The following BAZ2B variants were observed in gnomAD, a reference collection of about 807,000 sequenced individuals.
BAZ2B encodes bromodomain adjacent to zinc finger domain protein 2B.
BAZ2B carries 91 observed loss-of-function variants against 246.0 expected under a neutral mutation model. That is an observed-to-expected ratio of 0.37 (90% CI 0.31 to 0.44). The LOEUF (loss-of-function observed/expected upper bound fraction) is 0.44, where lower values mean the gene tolerates loss of function less well. BAZ2B is among the 20% of genes least tolerant of loss of function. BAZ2B has a pLI of 1.00. For missense variants in BAZ2B, 2,332 were observed against 2,533.7 expected (o/e 0.92, Z 1.71); for synonymous variants, 855 against 860.0 (o/e 0.99, Z 0.10).
At chr2:159,674,381 GAAGAA>G in the BAZ2B span, among the ~76,000 whole-genome samples, 331 of 138,980 alleles carry the variant, frequency 2.4e-3, 3 homozygotes, top group Non-Finnish European at 2.5e-3. Context: ...GAAGGGAAGG[GAAGAA>G]AAGAAAAGAA....
At chr2:159,404,267 A>C (rs1311159185) in intron 16 of BAZ2B, 1 of 152,192 alleles carries the variant, frequency 6.6e-6, no homozygotes, top group Non-Finnish European at 1.5e-5. Flanking sequence ...TGAAAATTTA[A>C]AAATTACTTC....
At chr2:159,512,832 T>C (rs982940864) in intron 2 of BAZ2B, among the ~76,000 whole-genome samples, 2 of 152,208 alleles carry the variant, frequency 1.3e-5, no homozygotes, top group African/African-American at 4.8e-5. Flanking sequence ...ACAAATGGTT[T>C]GACTCCTTGA....
chr2:159,401,354 C>A (rs1371212885), intron 16 of BAZ2B, among the ~76,000 whole-genome samples: 1 of 152,140 alleles, frequency 6.6e-6, no homozygotes, highest in Non-Finnish European at 1.5e-5. Context: ...GGATTACAGT[C>A]ATTTATTGAA....
chr2:159,528,942 C>G (rs1325475083), intron 2 of BAZ2B, among the ~76,000 whole-genome samples: 2 of 130,600 alleles, frequency 1.5e-5, no homozygotes, highest in South Asian at 2.4e-4. Context: ...AGGGGAACAT[C>G]ACACACCAGG....
At chr2:159,528,170 T>A (rs2084954218) in intron 2 of BAZ2B, among the ~76,000 whole-genome samples, 2 of 152,246 alleles carry the variant, frequency 1.3e-5, no homozygotes, top group South Asian at 4.1e-4. Flanking sequence ...CTAGTTTGAT[T>A]TGTGATGTCA....
At chr2:159,580,088 G>C (rs1474491401) in intron 1 of BAZ2B, among the ~76,000 whole-genome samples, 1 of 152,156 alleles carries the variant, frequency 6.6e-6, no homozygotes, top group Non-Finnish European at 1.5e-5. Context: ...GCAGGAGAAA[G>C]AAATAAAGGG....
At chr2:159,470,349 G>A (rs1464605014) in intron 3 of BAZ2B, among the ~76,000 whole-genome samples, 1 of 152,146 alleles carries the variant, frequency 6.6e-6, no homozygotes, top group Admixed American at 6.5e-5. Context: ...AAGATACAAG[G>A]CAACTTCCTG....
At chr2:159,632,429 A>T in the BAZ2B span, among the ~76,000 whole-genome samples, 1 of 152,330 alleles carries the variant, frequency 6.6e-6, no homozygotes, top group South Asian at 2.1e-4. Context: ...ATATCTTCAA[A>T]CATAAAATAA....
chr2:159,527,552 A>G lies in BAZ2B; in HGVS notation c.-3+28271T>C, dbSNP rs79676140. On this transcript the variant is annotated intron_variant, in intron 2 of 36. Coordinates refer to ENST00000392783, the MANE Select transcript of BAZ2B (RefSeq NM_013450.4). ...AGTTTTGTCTTGTAGGTTTTCACCT[A>G]TGTTTTCTTCTAAAAGCTTTATATT... Among the ~76,000 whole-genome samples the G allele has an allele frequency of 7.6e-3, 1,151 of 152,298 alleles. 18 individuals are homozygous for G. Among genetic ancestry groups the G allele is most frequent in the African/African-American group, 0.026 (1,080 of 41,568 alleles).
At chr2:159,485,759 CA>C (rs1443143646) in intron 2 of BAZ2B, among the ~76,000 whole-genome samples, 2 of 152,096 alleles carry the variant, frequency 1.3e-5, no homozygotes, top group Non-Finnish European at 2.9e-5. Context: ...AAATATTTAA[CA>C]ATTTAATTCC....
At chr2:159,447,054 G>C in intron 5 of BAZ2B, 79 bp from the exon 6 acceptor site, 1 of 992,418 alleles carries the variant, frequency 1.0e-6, no homozygotes, top group Non-Finnish European at 1.4e-6. Flanking sequence ...TATATGTACA[G>C]TTGGATGAAC....
intron 1 of BAZ2B, among the ~76,000 whole-genome samples, chr2:159,602,728 A>C (rs919493393): frequency 2.0e-5 from 3 of 152,220 alleles, no homozygotes; most frequent in Non-Finnish European, 2.9e-5. Context: ...GAATACCATA[A>C]AATATTCATA....
At chr2:159,591,342 T>C (rs1009207416) in intron 1 of BAZ2B, among the ~76,000 whole-genome samples, 1 of 152,192 alleles carries the variant, frequency 6.6e-6, no homozygotes, top group African/African-American at 2.4e-5. Flanking sequence ...ACAGGAGTTG[T>C]AATGGGACAT....
At chr2:159,507,530 G>A (rs2082457944) in intron 2 of BAZ2B, among the ~76,000 whole-genome samples, 1 of 152,118 alleles carries the variant, frequency 6.6e-6, no homozygotes, top group African/African-American at 2.4e-5. Flanking sequence ...AAAGTTCTAA[G>A]GTATTAAGGG....
Position 159,446,799 on chromosome 2 carries a change from C to G in BAZ2B, c.679G>C (p.Asp227His). 6.2e-7 allele frequency: 1 copy of G among 1,607,762 alleles called. No individual in the cohort carries two copies. The highest frequency in any genetic ancestry group is 8.5e-7 in the Non-Finnish European group (1 of 1,177,234). The stretch of plus-strand genomic sequence containing the variant: ...CAACTTACCTTATCTTTGATTTTGT[C>G]AACTCTAGCATCCAAAGGCTGGTTT... The part of the protein sequence containing the change: ...SKNQPLDARV[D>H]KIKDKKPRKK... The change falls in exon 6 of 37, where the codon GAC becomes CAC. Residue 227 changes from aspartate (D) to histidine (H), a missense_variant. Asp to His is a moderately conservative substitution (Grantham distance 81). Around this residue, in one of 9 missense-constraint regions of BAZ2B, gnomAD observed 161 missense variants for 225.8 expected, o/e 0.71. Transcript: ENST00000392783.
intron 25 of BAZ2B, among the ~76,000 whole-genome samples, chr2:159,379,531 T>TA (rs1166265423): frequency 6.6e-6 from 1 of 152,194 alleles, no homozygotes. Context: ...AAGTTCATTC[T>TA]AATAAATTTT....
chr2:159,478,230 T>C (rs1264086005), intron 3 of BAZ2B, among the ~76,000 whole-genome samples: 1 of 152,222 alleles, frequency 6.6e-6, no homozygotes, highest in Non-Finnish European at 1.5e-5. Flanking sequence ...TCATTTCAAA[T>C]ACTGGAAGGA....
At chr2:159,660,272 A>G in the BAZ2B span, among the ~76,000 whole-genome samples, 5 of 152,216 alleles carry the variant, frequency 3.3e-5, no homozygotes, top group African/African-American at 9.7e-5. Flanking sequence ...AGAGTCAACC[A>G]TCTTGTACCA....
chr2:159,483,879 G>A (rs1488552265), intron 2 of BAZ2B, among the ~76,000 whole-genome samples: 1 of 151,560 alleles, frequency 6.6e-6, no homozygotes, highest in Non-Finnish European at 1.5e-5. Flanking sequence ...ACAAATTAAC[G>A]CAAAACACTA....
Sources: allele counts gnomAD v4.1 joint callset (sites outside exome capture counted in the v4.1 genomes callset), GRCh38; gene constraint gnomAD v4.1.1; regional missense constraint gnomAD v4.1.1; transcripts MANE v1.5; gene names NCBI Gene and HGNC (gene_info 2026-07-23, HGNC 2026-07-21).